BACE2: variants seen among roughly 807,000 people sequenced by gnomAD.
The protein encoded by BACE2 is beta-secretase 2, also known as 56 kDa aspartic-like protease.
BACE2 carries 17 observed loss-of-function variants against 46.2 expected under a neutral mutation model. The ratio of observed to expected loss-of-function variants is 0.37; its 90% CI spans 0.25 to 0.55. The LOEUF is 0.55. BACE2 is among the 20% of genes least tolerant of loss of function. The pLI, the probability that BACE2 is intolerant of heterozygous loss-of-function variation, is 0.82. For missense variants in BACE2, 595 were observed against 698.1 expected, an observed-to-expected ratio of 0.85 and a Z score of 1.66; for synonymous variants, 277 against 295.9, an observed-to-expected ratio of 0.94 and a Z score of 0.66.
At chr21:41,180,692 T>A (rs552488016) in intron 1 of BACE2, 1 of 167,260 alleles carries the variant, frequency 6.0e-6, no homozygotes, top group East Asian at 1.9e-4. Context: ...AAGGCACTTT[T>A]GATGGTTGAC....
At chr21:41,269,075 C>G (rs1222053191) in intron 8 of BACE2, among the ~76,000 whole-genome samples, 2 of 152,104 alleles carry the variant, frequency 1.3e-5, no homozygotes, top group Non-Finnish European at 2.9e-5. Flanking sequence ...CTGCCTCAGC[C>G]TCCCAAGTAG....
intron 1 of BACE2, among the ~76,000 whole-genome samples, chr21:41,209,093 C>T (rs1986219664): frequency 6.6e-6 from 1 of 152,228 alleles, no homozygotes; most frequent in South Asian, 2.1e-4. Context: ...AGCCCATGTG[C>T]ACCCTGGGAG....
rs1204805076 is a variant in BACE2 at position 41,193,656 on chromosome 21, T to C, written c.312+25081T>C. On this transcript the variant is annotated intron_variant, in intron 1 of 8. Coordinates refer to ENST00000330333, the MANE Select transcript of BACE2 (RefSeq NM_012105.5). This position sits in a 1 kb window ranked among gnomAD's most constrained non-coding sequence, Gnocchi z 4.2. ...CACCCTACCAGTCAGGGAGCCAGTG[T>C]GGGGGTTCTGCCTGCTACTAAGCAT... is the stretch of plus-strand genomic sequence containing the variant. Among the ~76,000 whole-genome samples, 1 of 152,198 alleles carries C rather than the reference T, an allele frequency of 6.6e-6. No individual in the cohort carries two copies. The highest frequency in any genetic ancestry group is 6.5e-5 in the Admixed American group (1 of 15,284).
In BACE2 at chr21:41,275,639, C is replaced by T. The variant is rs2088479786; in HGVS notation, c.*15C>T. 1 of 1,612,186 alleles carries T rather than the reference C, an allele frequency of 6.2e-7. No individual in the cohort carries two copies. The highest frequency in any genetic ancestry group is 1.7e-5 in the Admixed American group (1 of 59,964). On this transcript the variant is annotated 3_prime_UTR_variant, in exon 9 of 9. Coordinates refer to ENST00000330333, the MANE Select transcript of BACE2 (RefSeq NM_012105.5). ...GCTGGAAATGAATAGCCAGGCCTGA[C>T]CTCAAGCAACCATGAACTCAGCTAT... is the stretch of plus-strand genomic sequence containing the variant.
intron 2 of BACE2, among the ~76,000 whole-genome samples, chr21:41,230,552 CTG>C (rs1986941413): frequency 6.6e-6 from 1 of 152,174 alleles, no homozygotes; most frequent in African/African-American, 2.4e-5. Flanking sequence ...TGTGATGTGT[CTG>C]TATTTGCTTG....
At chr21:41,175,783 GTGAGCACCTGTAGC>G (rs1434759972) in intron 1 of BACE2, 1 of 152,208 alleles carries the variant, frequency 6.6e-6, no homozygotes, top group Non-Finnish European at 1.5e-5. Context: ...TGCTTTTCAG[GTGAGCACCTGTAGC>G]TGGCAGGAAA....
intron 1 of BACE2, among the ~76,000 whole-genome samples, chr21:41,198,629 T>C (rs1164604243): frequency 6.6e-6 from 1 of 152,246 alleles, no homozygotes; most frequent in East Asian, 1.9e-4. Flanking sequence ...CAGTCTCTAC[T>C]CTACGGGTGG....
intron 3 of BACE2, among the ~76,000 whole-genome samples, chr21:41,240,071 G>A (rs1987244780): frequency 6.6e-6 from 1 of 152,196 alleles, no homozygotes; most frequent in African/African-American, 2.4e-5. Flanking sequence ...CTGACAATTG[G>A]CTTCCCATTT....
At chr21:41,210,231 AC>A (rs57458754) in intron 1 of BACE2, among the ~76,000 whole-genome samples, 53,590 of 151,580 alleles carry the variant, frequency 0.35, 10,693 homozygotes, top group African/African-American at 0.54. Flanking sequence ...AACTGAACAG[AC>A]CCTTCTTTTT....
chr21:41,243,694 A>C (rs1433316661), intron 5 of BACE2, among the ~76,000 whole-genome samples, 184 bp downstream of exon 5: 3 of 151,932 alleles, frequency 2.0e-5, no homozygotes, highest in Non-Finnish European at 4.4e-5. Context: ...CTCCCTCCCC[A>C]CCCCAAATAT....
At chr21:41,209,593 G>A (rs1986236213) in intron 1 of BACE2, among the ~76,000 whole-genome samples, 2 of 152,210 alleles carry the variant, frequency 1.3e-5, no homozygotes. Context: ...CACTGTGCCA[G>A]GTGCTTTTAT....
At position 41,257,609 on chromosome 21, in the gene BACE2, G is replaced by T. The variant is rs144099024; in HGVS notation, c.1303+283G>T. 2.9e-3 allele frequency among the ~76,000 whole-genome samples: 440 copies of T among 152,312 alleles called. 1 individual carries two copies. Among genetic ancestry groups the T allele is most frequent in the African/African-American group, 0.01 (425 of 41,570 alleles). ...TAAAAATATGCCGTGAAACCTTGGA[G>T]TTGAATTGCAATTTTTCGACAGTTT... is the stretch of plus-strand genomic sequence containing the variant. On this transcript the variant is annotated intron_variant, in intron 8 of 8. Coordinates refer to ENST00000330333, the MANE Select transcript of BACE2 (RefSeq NM_012105.5).
chr21:41,193,660 G>T lies in BACE2; in HGVS notation c.312+25085G>T, dbSNP rs2123517098. Among the ~76,000 whole-genome samples, 1 of 152,296 alleles carries T rather than the reference G, an allele frequency of 6.6e-6. No homozygotes were observed. The highest frequency in any genetic ancestry group is 2.4e-5 in the African/African-American group (1 of 41,558). ...CTACCAGTCAGGGAGCCAGTGTGGG[G>T]GTTCTGCCTGCTACTAAGCATATCT... On this transcript the variant is annotated intron_variant, in intron 1 of 8. Coordinates refer to ENST00000330333, the MANE Select transcript of BACE2 (RefSeq NM_012105.5). The surrounding 1 kb of genome is among the most constrained non-coding windows in gnomAD (Gnocchi z 4.2).
chr21:41,250,659 G>T, intron 6 of BACE2, 93 bp from the exon 7 acceptor site: 1 of 1,128,496 alleles, frequency 8.9e-7, no homozygotes, highest in Non-Finnish European at 1.3e-6. Context: ...TATCCCTGTG[G>T]GCATCTGGCG....
intron 8 of BACE2, among the ~76,000 whole-genome samples, chr21:41,270,358 A>C (rs2088422135): frequency 6.6e-6 from 1 of 152,180 alleles, no homozygotes; most frequent in Non-Finnish European, 1.5e-5. Context: ...TTCCTTTTAC[A>C]AATTGTGCTT....
chr21:41,174,511 G>A (rs1033079140), intron 1 of BACE2, among the ~76,000 whole-genome samples: 1 of 152,084 alleles, frequency 6.6e-6, no homozygotes, highest in Non-Finnish European at 1.5e-5. Flanking sequence ...GAATTTAAAG[G>A]TGGTGTTTCT....
intron 5 of BACE2, among the ~76,000 whole-genome samples, chr21:41,245,340 G>A (rs529715835): frequency 3.3e-5 from 5 of 152,348 alleles, no homozygotes; most frequent in East Asian, 3.9e-4. Context: ...AGCTGTGCCC[G>A]TAGTGGTTGG....
intron 1 of BACE2, among the ~76,000 whole-genome samples, chr21:41,170,314 T>G (rs1020482004): frequency 6.6e-6 from 1 of 152,130 alleles, no homozygotes; most frequent in Non-Finnish European, 1.5e-5. Context: ...TTAACAGAAA[T>G]GTATTGAGTA....
chr21:41,170,541 T>C (rs1163013778), intron 1 of BACE2, among the ~76,000 whole-genome samples: 2 of 152,220 alleles, frequency 1.3e-5, no homozygotes. Flanking sequence ...AAGTCAGGCT[T>C]TCCTGACTAC....
Sources: allele counts gnomAD v4.1 joint callset (sites outside exome capture counted in the v4.1 genomes callset), GRCh38; gene constraint gnomAD v4.1.1; non-coding constraint Gnocchi (gnomAD v3.1); transcripts MANE v1.5; gene names NCBI Gene and HGNC (gene_info 2026-07-23, HGNC 2026-07-21).